RASSF3: variants seen among roughly 807,000 people sequenced by gnomAD.
RASSF3 encodes Ras association domain family member 3.
A neutral mutation model predicts 19.9 loss-of-function variants in RASSF3; 19 were observed. The ratio of observed to expected loss-of-function variants is 0.96; its 90% CI spans 0.67 to 1.40. The LOEUF (loss-of-function observed/expected upper bound fraction) is 1.40. Among genes scored for constraint, RASSF3 ranks in the 40% most tolerant of loss-of-function variants. RASSF3 has a pLI of 0.00. For synonymous variants in RASSF3, 110 were observed against 104.2 expected, an observed-to-expected ratio of 1.06 and a Z score of -0.34; for missense variants, 306 against 289.8, an observed-to-expected ratio of 1.06 and a Z score of -0.41.
chr12:64,516,844 A>G (rs1041642659), intron 1 of RASSF3, among the ~76,000 whole-genome samples: 5 of 151,842 alleles, frequency 3.3e-5, no homozygotes, highest in Admixed American at 6.6e-5. Context: ...TACTTAAAAG[A>G]CAAAATTAGC....
At chr12:64,656,056 C>CT (rs1872148079) in intron 1 of RASSF3, among the ~76,000 whole-genome samples, 1 of 150,808 alleles carries the variant, frequency 6.6e-6, no homozygotes, top group Non-Finnish European at 1.5e-5. Context: ...ATTATAAATC[C>CT]TTTTTATTCC....
intron 2 of RASSF3, among the ~76,000 whole-genome samples, chr12:64,685,419 A>AT (rs1201708018): frequency 6.6e-6 from 1 of 151,860 alleles, no homozygotes; most frequent in Non-Finnish European, 1.5e-5. Flanking sequence ...TAATTTTTGT[A>AT]TTTTTTGTAG....
intron 2 of RASSF3, among the ~76,000 whole-genome samples, chr12:64,579,346 C>CTT (rs1265939630): frequency 0.01 from 1,196 of 117,014 alleles, 47 homozygotes; most frequent in African/African-American, 0.02. Context: ...TAGCCAAGTT[C>CTT]TTTTTTTTTT....
chr12:64,554,111 A>G (rs1869212727), intron 2 of RASSF3, among the ~76,000 whole-genome samples: 1 of 152,190 alleles, frequency 6.6e-6, no homozygotes, highest in Non-Finnish European at 1.5e-5. Context: ...GAAGAACACA[A>G]CAGAACACAT....
intron 1 of RASSF3, among the ~76,000 whole-genome samples, chr12:64,644,235 G>C (rs7296498): frequency 0.12 from 18,364 of 152,130 alleles, 1,425 homozygotes; most frequent in African/African-American, 0.22. Flanking sequence ...TGCCTAACCT[G>C]TCAAAACTGT....
At chr12:64,601,371 T>A (rs1229109527) in intron 2 of RASSF3, among the ~76,000 whole-genome samples, 1 of 152,166 alleles carries the variant, frequency 6.6e-6, no homozygotes, top group African/African-American at 2.4e-5. Flanking sequence ...TCTACAAAAT[T>A]GTTCGTGAGA....
intron 2 of RASSF3, among the ~76,000 whole-genome samples, chr12:64,585,957 C>T (rs1869791106): frequency 2.0e-5 from 3 of 152,138 alleles, no homozygotes; most frequent in African/African-American, 7.2e-5. Context: ...CATTTACATT[C>T]ATAGTGTCCC....
chr12:64,679,576 T>C (rs1198351772), intron 1 of RASSF3, among the ~76,000 whole-genome samples: 2 of 152,090 alleles, frequency 1.3e-5, no homozygotes, highest in Non-Finnish European at 2.9e-5. Flanking sequence ...GCCTGGGTCA[T>C]GCTACCCGAG....
At chr12:64,571,213 A>G (rs1028059444) in intron 2 of RASSF3, among the ~76,000 whole-genome samples, 6 of 152,150 alleles carry the variant, frequency 3.9e-5, no homozygotes, top group Non-Finnish European at 8.8e-5. Context: ...CTCCATCTCA[A>G]AAAAATAAAA....
At chr12:64,530,881 T>C (rs1257587979), upstream of RASSF3, among the ~76,000 whole-genome samples, 2 of 152,216 alleles carry the variant, frequency 1.3e-5, no homozygotes, top group African/African-American at 4.8e-5. Flanking sequence ...GTGAAGTCTG[T>C]TTATGTATTT....
intron 2 of RASSF3, among the ~76,000 whole-genome samples, chr12:64,604,975 T>A (rs528658100): frequency 1.3e-5 from 2 of 150,556 alleles, no homozygotes; most frequent in Non-Finnish European, 1.5e-5. Flanking sequence ...TTTTTTTTAA[T>A]TTATTTTATT....
upstream of RASSF3, chr12:64,506,986 T>C: frequency 2.6e-6 from 1 of 386,938 alleles, no homozygotes; most frequent in East Asian, 3.7e-5. Flanking sequence ...ACTCTTTCTT[T>C]AGAAAGAACA....
At chr12:64,618,697 A>T (rs2136160574) in intron 1 of RASSF3, among the ~76,000 whole-genome samples, 1 of 152,296 alleles carries the variant, frequency 6.6e-6, no homozygotes, top group South Asian at 2.1e-4. Flanking sequence ...GTCAGAACCC[A>T]TAAAAAATGA....
intron 2 of RASSF3, among the ~76,000 whole-genome samples, chr12:64,591,867 C>T (rs1314703019): frequency 1.3e-5 from 2 of 151,802 alleles, no homozygotes; most frequent in African/African-American, 4.8e-5. Flanking sequence ...CCCTCTATCC[C>T]CCTACAAATA....
downstream of RASSF3, among the ~76,000 whole-genome samples, chr12:64,543,443 T>TCCCCGCCC (rs1592395537): frequency 7.0e-4 from 2 of 2,876 alleles, no homozygotes; most frequent in African/African-American, 1.4e-3. Flanking sequence ...GCCCCCCCCG[T>TCCCCGCCC]GCCCGCCCGC....
intron 1 of RASSF3, 52 bp from the exon 2 acceptor site, chr12:64,684,735 C>G (rs534511607): frequency 7.7e-7 from 1 of 1,294,914 alleles, no homozygotes; most frequent in Non-Finnish European, 1.1e-6. Flanking sequence ...CCGGCCTATC[C>G]GCACTTTTTT....
intron 1 of RASSF3, among the ~76,000 whole-genome samples, chr12:64,612,903 G>C (rs1592419289): frequency 6.6e-6 from 1 of 152,166 alleles, no homozygotes. Flanking sequence ...TATCGTGTTG[G>C]AAATCAGGAC....
chr12:64,570,443 C>T (rs1869499897), intron 2 of RASSF3, among the ~76,000 whole-genome samples: 1 of 152,140 alleles, frequency 6.6e-6, no homozygotes, highest in Non-Finnish European at 1.5e-5. Context: ...GAACTCAACA[C>T]CAACACTTGA....
At chr12:64,606,844 T>C (rs2136149528), upstream of RASSF3, among the ~76,000 whole-genome samples, 1 of 152,244 alleles carries the variant, frequency 6.6e-6, no homozygotes, top group Non-Finnish European at 1.5e-5. Context: ...TGAACTTGGT[T>C]GCATACATTT....
Sources: gnomAD v4.1 joint callset for allele counts (sites outside exome capture counted in the v4.1 genomes callset) on GRCh38, gnomAD v4.1.1 for gene constraint, MANE v1.5 for transcripts, NCBI Gene and HGNC (gene_info 2026-07-23, HGNC 2026-07-21) for gene names.